The following SLC4A10 variants were observed in gnomAD, a reference collection of about 807,000 sequenced individuals.
SLC4A10 encodes the protein solute carrier family 4 member 10.
In SLC4A10, 42 loss-of-function variants were observed where a neutral mutation model predicts 137.7. The ratio of observed to expected loss-of-function variants is 0.30; its 90% CI spans 0.24 to 0.39. SLC4A10 has a LOEUF of 0.39. Among genes scored for constraint, SLC4A10 ranks in the 10% least tolerant of loss-of-function variants. The pLI is 1.00. For synonymous variants in SLC4A10, 474 were observed against 464.1 expected (o/e 1.02, Z -0.27); for missense variants, 925 against 1,355.0 (o/e 0.68, Z 4.98).
intron 3 of SLC4A10, among the ~76,000 whole-genome samples, chr2:161,821,304 A>G (rs755166004): frequency 6.6e-6 from 1 of 151,942 alleles, no homozygotes. Context: ...CTTTAGGCAA[A>G]TTTTTCTATG....
intron 1 of SLC4A10, among the ~76,000 whole-genome samples, chr2:161,685,924 G>A (rs760224936): frequency 2.8e-4 from 42 of 152,198 alleles, no homozygotes; most frequent in Non-Finnish European, 4.6e-4. Context: ...AGAAAGACAC[G>A]GTCCCTGCCT....
chr2:161,864,283 A>C (rs1027496111), intron 6 of SLC4A10, among the ~76,000 whole-genome samples: 2 of 152,178 alleles, frequency 1.3e-5, no homozygotes, highest in African/African-American at 4.8e-5. Context: ...ACTGATTTCC[A>C]CGAATGGATG....
At chr2:161,956,748 A>G (rs1346355628) in intron 19 of SLC4A10, among the ~76,000 whole-genome samples, 2 of 152,230 alleles carry the variant, frequency 1.3e-5, no homozygotes, top group African/African-American at 4.8e-5. Context: ...CACTATATTA[A>G]GGAGAAAATG....
At chr2:161,683,780 G>C (rs535304508) in intron 1 of SLC4A10, among the ~76,000 whole-genome samples, 1 of 152,006 alleles carries the variant, frequency 6.6e-6, no homozygotes, top group African/African-American at 2.4e-5. Flanking sequence ...CAATAGGTAG[G>C]GAAAACAAAA....
intron 3 of SLC4A10, among the ~76,000 whole-genome samples, chr2:161,805,379 G>A (rs1415328659): frequency 1.3e-5 from 2 of 152,012 alleles, no homozygotes; most frequent in African/African-American, 2.4e-5. Context: ...AAAACCAATC[G>A]TGCCTTCCCA....
intron 19 of SLC4A10, among the ~76,000 whole-genome samples, chr2:161,956,108 G>T (rs1170072983): frequency 6.6e-6 from 1 of 152,084 alleles, no homozygotes; most frequent in East Asian, 1.9e-4. Flanking sequence ...AACATTTATT[G>T]TTTAACCACT....
chr2:161,811,035 T>C (rs555354100), intron 3 of SLC4A10, among the ~76,000 whole-genome samples: 2 of 152,000 alleles, frequency 1.3e-5, no homozygotes, highest in Admixed American at 6.6e-5. Context: ...AAATTACCGA[T>C]TCAATTTCAG....
chr2:161,899,545 A>G, intron 11 of SLC4A10, among the ~76,000 whole-genome samples: 1 of 152,126 alleles, frequency 6.6e-6, no homozygotes, highest in East Asian at 1.9e-4. Flanking sequence ...TTAAGAGTTG[A>G]TGACTCCCTT....
chr2:161,885,299 G>A (rs772511792), intron 10 of SLC4A10, among the ~76,000 whole-genome samples: 9 of 152,114 alleles, frequency 5.9e-5, no homozygotes, highest in Admixed American at 1.3e-4. Flanking sequence ...AAAAAATAGT[G>A]CATTGGAGTG....
chr2:161,666,855 CA>C (rs5835876), intron 1 of SLC4A10, among the ~76,000 whole-genome samples: 132,090 of 151,574 alleles, frequency 0.87, 58,166 homozygotes, highest in East Asian at 1. Flanking sequence ...TTTAAAATGC[CA>C]TGAACCATTT....
At chr2:161,972,543 A>G (rs1236952669) in intron 23 of SLC4A10, among the ~76,000 whole-genome samples, 1 of 152,218 alleles carries the variant, frequency 6.6e-6, no homozygotes, top group African/African-American at 2.4e-5. Flanking sequence ...GAGAATAGGC[A>G]TAATATACAA....
intron 1 of SLC4A10, among the ~76,000 whole-genome samples, chr2:161,647,923 C>T (rs980489832): frequency 3.2e-4 from 49 of 152,132 alleles, no homozygotes; most frequent in Admixed American, 2.9e-3. Context: ...AATACCAACC[C>T]GATTAAATGG....
chr2:161,909,495 T>C (rs1001166982), intron 15 of SLC4A10, among the ~76,000 whole-genome samples: 1 of 152,152 alleles, frequency 6.6e-6, no homozygotes, highest in African/African-American at 2.4e-5. Flanking sequence ...GGCATGAGGT[T>C]TTAGTGCCAC....
At chr2:161,901,106 T>A (rs1683012206) in intron 12 of SLC4A10, 95 bp downstream of exon 12, 2 of 866,094 alleles carry the variant, frequency 2.3e-6, no homozygotes, top group Middle Eastern at 2.2e-4. Context: ...ATTTATTGTA[T>A]ACTTTTAATA....
At chr2:161,934,845 C>A (rs1691280092) in intron 15 of SLC4A10, among the ~76,000 whole-genome samples, 1 of 151,616 alleles carries the variant, frequency 6.6e-6, no homozygotes, top group Non-Finnish European at 1.5e-5. Flanking sequence ...AATCTCTTAT[C>A]AGATTTATGG....
chr2:161,730,466 A>G (rs1003749231), intron 1 of SLC4A10, among the ~76,000 whole-genome samples: 2 of 152,134 alleles, frequency 1.3e-5, no homozygotes, highest in African/African-American at 2.4e-5. Context: ...TTATCTATCT[A>G]TTTATCTATT....
intron 2 of SLC4A10, among the ~76,000 whole-genome samples, chr2:161,773,672 C>A (rs2051951164): frequency 6.6e-6 from 1 of 151,734 alleles, no homozygotes; most frequent in Non-Finnish European, 1.5e-5. Flanking sequence ...TGTAAAGTCT[C>A]AGGTGCAATA....
chr2:161,720,568 T>C (rs2045538502), intron 1 of SLC4A10, among the ~76,000 whole-genome samples: 1 of 152,184 alleles, frequency 6.6e-6, no homozygotes, highest in Admixed American at 6.5e-5. Flanking sequence ...GCTCCTGTAT[T>C]GGGAGCATAT....
chr2:161,676,690 C>G (rs1423651044), intron 1 of SLC4A10, among the ~76,000 whole-genome samples: 1 of 151,964 alleles, frequency 6.6e-6, no homozygotes, highest in Non-Finnish European at 1.5e-5. Flanking sequence ...TTTTATATAT[C>G]TATATGTTGA....
Sources: gnomAD v4.1 joint callset for allele counts (sites outside exome capture counted in the v4.1 genomes callset) on GRCh38, gnomAD v4.1.1 for gene constraint, MANE v1.5 for transcripts, NCBI Gene and HGNC (gene_info 2026-07-23, HGNC 2026-07-21) for gene names.